Variants in DACH1 observed in about 807,000 individuals in gnomAD.
DACH1 encodes dachshund homolog 1.
DACH1 carries 12 observed loss-of-function variants against 54.2 expected under a neutral mutation model. That is an observed-to-expected ratio of 0.22 (90% confidence interval 0.14 to 0.36). The LOEUF is 0.36. Among genes scored for constraint, DACH1 ranks in the 10% least tolerant of loss-of-function variants. The pLI, the probability that DACH1 is intolerant of heterozygous loss-of-function variation, is 1.00. For missense variants in DACH1, 805 were observed against 929.8 expected, an observed-to-expected ratio of 0.87 and a Z score of 1.75; for synonymous variants, 386 against 366.2, an observed-to-expected ratio of 1.05 and a Z score of -0.62.
intron 6 of DACH1, among the ~76,000 whole-genome samples, chr13:71,511,297 A>T (rs1475833601): frequency 1.3e-5 from 2 of 151,990 alleles, no homozygotes; most frequent in Non-Finnish European, 2.9e-5. Flanking sequence ...TTGAGAAAAA[A>T]ATTTGTGGGA....
intron 3 of DACH1, among the ~76,000 whole-genome samples, chr13:71,573,960 C>T (rs528175703): frequency 4.6e-5 from 7 of 152,238 alleles, no homozygotes; most frequent in African/African-American, 1.7e-4. Context: ...CTAGCCATCA[C>T]ATAAAGTGCC....
At chr13:71,741,503 T>C (rs1342119465) in intron 1 of DACH1, among the ~76,000 whole-genome samples, 1 of 152,168 alleles carries the variant, frequency 6.6e-6, no homozygotes, top group Non-Finnish European at 1.5e-5. Context: ...TACAATCCAC[T>C]TCTTTATTTT....
At chr13:71,711,886 C>G (rs1882739038) in intron 1 of DACH1, among the ~76,000 whole-genome samples, 1 of 152,072 alleles carries the variant, frequency 6.6e-6, no homozygotes, top group Admixed American at 6.6e-5. Context: ...TTTTATTACA[C>G]TCTATCTAGA....
intron 1 of DACH1, chr13:71,846,165 G>C (rs1873239792): frequency 9.3e-6 from 2 of 215,072 alleles, no homozygotes; most frequent in Admixed American, 4.9e-5. Flanking sequence ...ACTGACTCCT[G>C]GCGGCAAACC....
At chr13:71,587,307 T>A (rs956802348) in intron 3 of DACH1, among the ~76,000 whole-genome samples, 1 of 152,108 alleles carries the variant, frequency 6.6e-6, no homozygotes, top group African/African-American at 2.4e-5. Flanking sequence ...AACATTATTG[T>A]CTCAGTGGGA....
intron 2 of DACH1, chr13:71,674,955 G>T (rs539499101): frequency 4.2e-5 from 28 of 667,170 alleles, no homozygotes; most frequent in Non-Finnish European, 7.3e-5. Flanking sequence ...CATACAAACG[G>T]TGTTCGCAGC....
chr13:71,842,798 C>A (rs927266573), intron 1 of DACH1, among the ~76,000 whole-genome samples: 1 of 152,052 alleles, frequency 6.6e-6, no homozygotes, highest in African/African-American at 2.4e-5. Flanking sequence ...TTTCCCCTTA[C>A]AATTTACTCA....
Position 71,866,299 on chromosome 13 carries a change from G to A in DACH1, c.471C>T (p.Ser157=). Residue 157 remains serine (S), a synonymous_variant, in exon 1 of 11, where the codon AGC becomes AGT. Coordinates refer to ENST00000613252, the MANE Select transcript of DACH1 (RefSeq NM_080759.6). ...SSSSSSSSSS[S]SSSSSSCGPL... Reference sequence around the variant, plus strand: ...GGCCGCAGCTGCTGCTGCTACTGCTGCTGCTGCTACTACTGCTGCTGCTGC... The same window carrying A: ...GGCCGCAGCTGCTGCTGCTACTGCTACTGCTGCTACTACTGCTGCTGCTGC... 1.3e-6 allele frequency: 2 copies of A among 1,565,212 alleles called. No individual in the cohort carries two copies. Among genetic ancestry groups the A allele is most frequent in the Middle Eastern group, 1.8e-4 (1 of 5,448 alleles).
At chr13:71,571,099 C>T (rs1279207610) in intron 4 of DACH1, among the ~76,000 whole-genome samples, 2 of 151,956 alleles carry the variant, frequency 1.3e-5, no homozygotes, top group Non-Finnish European at 2.9e-5. Context: ...AATATGTTTG[C>T]CTTATTTATT....
intron 1 of DACH1, among the ~76,000 whole-genome samples, chr13:71,799,113 A>C (rs574718756): frequency 3.2e-4 from 48 of 152,210 alleles, no homozygotes; most frequent in African/African-American, 1.1e-3. Context: ...TTTTAATTTG[A>C]AAGTTGAAGA....
Position 71,506,269 on chromosome 13 carries a change from G to A in DACH1, c.1571-17121C>T, listed in dbSNP as rs1374629150. On this transcript the variant is annotated intron_variant, in intron 6 of 10. Coordinates refer to ENST00000613252, the MANE Select transcript of DACH1 (RefSeq NM_080759.6). The stretch of plus-strand genomic sequence containing the variant: ...TCATCTAGCATTAGGTATATCTCCC[G>A]GTGCTATCCCTCCCCCCTCCCCCCG... Among the ~76,000 whole-genome samples the A allele has an allele frequency of 2.7e-5, 4 of 145,942 alleles. No homozygotes were observed. The East Asian group carries it at 8.4e-4, about 31-fold the overall frequency.
chr13:71,585,721 G>A (rs1378249963), intron 3 of DACH1, among the ~76,000 whole-genome samples: 14 of 152,040 alleles, frequency 9.2e-5, no homozygotes, highest in Admixed American at 9.2e-4. Flanking sequence ...TGATGAGTTT[G>A]GTCATCATCT....
chr13:71,569,491 T>C (rs1249716176), intron 4 of DACH1, among the ~76,000 whole-genome samples: 1 of 152,100 alleles, frequency 6.6e-6, no homozygotes, highest in African/African-American at 2.4e-5. Flanking sequence ...TCCAACCACT[T>C]AAAAATGCAA....
chr13:71,768,749 C>T (rs976234454), intron 1 of DACH1, among the ~76,000 whole-genome samples: 2 of 151,802 alleles, frequency 1.3e-5, no homozygotes, highest in Non-Finnish European at 3.0e-5. Context: ...CTATTGTTTG[C>T]CAAATTCCAT....
intron 1 of DACH1, among the ~76,000 whole-genome samples, chr13:71,857,204 T>A (rs2138280039): frequency 6.6e-6 from 1 of 151,832 alleles, no homozygotes; most frequent in South Asian, 2.1e-4. Context: ...TTTAGAAAAA[T>A]TAAGCTGTTT....
intron 1 of DACH1, among the ~76,000 whole-genome samples, chr13:71,696,044 A>G (rs935559780): frequency 2.0e-5 from 3 of 152,152 alleles, no homozygotes; most frequent in African/African-American, 7.2e-5. Context: ...AATTATCAAG[A>G]TAGGGATGAA....
Position 71,477,099 on chromosome 13 carries a change from TA to T in DACH1, c.1871-1251del, listed in dbSNP as rs1566282890. ...TTATTATTATATATATATATATATA[TA>T]TATATTTTTTTTTTTTTTTTTTTTT... On this transcript the variant is annotated intron_variant, in intron 8 of 10. Coordinates refer to ENST00000613252, the MANE Select transcript of DACH1 (RefSeq NM_080759.6). Among the ~76,000 whole-genome samples, 65 of 53,302 alleles carry T rather than the reference TA, an allele frequency of 1.2e-3. 1 individual carries two copies. The highest frequency in any genetic ancestry group is 4.2e-3 in the African/African-American group (62 of 14,708). 35.0% of individuals were successfully genotyped at this position (53,302 alleles called of 152,430 possible). A position where few individuals can be genotyped will look rare whatever the true frequency, so the allele number is the denominator to read the frequency against.
chr13:71,482,180 T>A (rs961749695), intron 7 of DACH1, among the ~76,000 whole-genome samples: 1 of 152,206 alleles, frequency 6.6e-6, no homozygotes, highest in Non-Finnish European at 1.5e-5. Context: ...AATGTCATTG[T>A]TTTCTAAAAT....
chr13:71,797,917 TTC>T (rs1887122893), intron 1 of DACH1, among the ~76,000 whole-genome samples: 1 of 152,104 alleles, frequency 6.6e-6, no homozygotes, highest in Non-Finnish European at 1.5e-5. Context: ...AATTCAGTAC[TTC>T]TGTGCAACTT....
Sources: allele counts gnomAD v4.1 joint callset (sites outside exome capture counted in the v4.1 genomes callset), GRCh38; gene constraint gnomAD v4.1.1; transcripts MANE v1.5; gene names NCBI Gene and HGNC (gene_info 2026-07-23, HGNC 2026-07-21).